The following GNAI1 variants were observed in gnomAD, a reference collection of about 807,000 sequenced individuals.
GNAI1 encodes guanine nucleotide-binding protein G(i) subunit alpha-1.
Under a neutral mutation model 38.9 loss-of-function variants are expected in GNAI1, and 11 were observed. The observed-to-expected ratio is 0.28, with a 90% CI of 0.18 to 0.47. GNAI1 has a LOEUF of 0.47. Ranked by LOEUF, GNAI1 falls within the 20% of genes least tolerant of loss-of-function variation. The pLI is 0.99. For missense variants in GNAI1, 317 were observed against 436.9 expected, an observed-to-expected ratio of 0.73 and a Z score of 2.45; for synonymous variants, 166 against 145.1, an observed-to-expected ratio of 1.14 and a Z score of -1.04.
intron 1 of GNAI1, among the ~76,000 whole-genome samples, chr7:80,144,133 C>G (rs1017434611): frequency 6.6e-6 from 1 of 151,880 alleles, no homozygotes; most frequent in African/African-American, 2.4e-5. Context: ...AGAGAATGCA[C>G]TTTACATAAT....
At chr7:80,151,595 C>T (rs1787727746) in intron 1 of GNAI1, among the ~76,000 whole-genome samples, 1 of 152,118 alleles carries the variant, frequency 6.6e-6, no homozygotes, top group Admixed American at 6.6e-5. Context: ...TGGGGTGCTC[C>T]CACCCCCAGT....
chr7:80,162,319 A>G (rs765102135), intron 1 of GNAI1, among the ~76,000 whole-genome samples: 3 of 152,162 alleles, frequency 2.0e-5, no homozygotes, highest in Non-Finnish European at 4.4e-5. Flanking sequence ...CCAGACTAAG[A>G]TAATCTGCTC....
At chr7:80,172,644 A>G (rs976437639) in intron 1 of GNAI1, among the ~76,000 whole-genome samples, 1 of 152,158 alleles carries the variant, frequency 6.6e-6, no homozygotes, top group Non-Finnish European at 1.5e-5. Context: ...ATTTAAAGAT[A>G]CTTGCAAAGC....
At chr7:80,136,186 A>C in intron 1 of GNAI1, 3 of 296,760 alleles carry the variant, frequency 1.0e-5, no homozygotes, top group Non-Finnish European at 1.5e-5. Context: ...CAGGGTTTTC[A>C]CTGAGGGAAG....
chr7:80,137,561 C>G (rs944451400), intron 1 of GNAI1, among the ~76,000 whole-genome samples: 1 of 152,008 alleles, frequency 6.6e-6, no homozygotes, highest in Non-Finnish European at 1.5e-5. Context: ...CTCAGGTGAT[C>G]CGCCCGCCTC....
chr7:80,212,087 C>T (rs928108250), intron 6 of GNAI1, among the ~76,000 whole-genome samples: 1 of 152,052 alleles, frequency 6.6e-6, no homozygotes, highest in African/African-American at 2.4e-5. Context: ...ACTAATCCCC[C>T]TGAGTATACC....
chr7:80,145,155 C>T (rs1326323226), intron 1 of GNAI1, among the ~76,000 whole-genome samples: 1 of 152,180 alleles, frequency 6.6e-6, no homozygotes, highest in Non-Finnish European at 1.5e-5. Context: ...CCAAGTAATA[C>T]ACCCCTTAAG....
chr7:80,203,727 TAG>T lies in GNAI1; in HGVS notation c.486_487del (p.Ala163SerfsTer15). On this transcript the variant is annotated frameshift_variant, in exon 5 of 8. Transcript: ENST00000649796. LOFTEE classifies it high-confidence loss of function. ...AGCTATTTGAATGACTTGGACAGAA[TAG>T]CTCAACCAAATTACATCCCGACTCA... is the stretch of plus-strand genomic sequence containing the variant. The T allele has an allele frequency of 6.3e-7, 1 of 1,594,456 alleles. No homozygotes were observed. The highest frequency in any genetic ancestry group is 1.1e-5 in the South Asian group (1 of 89,500).
chr7:80,136,187 C>G, intron 1 of GNAI1: 1 of 284,572 alleles, frequency 3.5e-6, no homozygotes, highest in Non-Finnish European at 5.3e-6. Flanking sequence ...AGGGTTTTCA[C>G]TGAGGGAAGC....
At chr7:80,201,821 C>T (rs563102830) in intron 4 of GNAI1, among the ~76,000 whole-genome samples, 125 of 152,170 alleles carry the variant, frequency 8.2e-4, no homozygotes, top group Middle Eastern at 3.4e-3. Context: ...GGCACTAATG[C>T]GGCTGCTTTT....
intron 1 of GNAI1, among the ~76,000 whole-genome samples, chr7:80,175,364 A>ATGTGTG (rs71518972): frequency 1.5e-3 from 221 of 150,472 alleles, no homozygotes; most frequent in East Asian, 5.1e-3. Context: ...GTGTATATTT[A>ATGTGTG]TGTGTGTGTG....
chr7:80,172,018 A>T (rs1388896740), intron 1 of GNAI1, among the ~76,000 whole-genome samples: 1 of 152,208 alleles, frequency 6.6e-6, no homozygotes, highest in Non-Finnish European at 1.5e-5. Context: ...ATGAACTTGT[A>T]CACATTTTAT....
chr7:80,184,799 A>C (rs535125437), intron 1 of GNAI1, among the ~76,000 whole-genome samples: 84 of 152,222 alleles, frequency 5.5e-4, no homozygotes, highest in African/African-American at 2.0e-3. Context: ...TACCTACTAT[A>C]ACATCACAAC....
At chr7:80,165,917 G>A (rs1788003774) in intron 1 of GNAI1, among the ~76,000 whole-genome samples, 1 of 152,050 alleles carries the variant, frequency 6.6e-6, no homozygotes, top group Non-Finnish European at 1.5e-5. Flanking sequence ...ACTTCGTTGA[G>A]AACTAAATAC....
chr7:80,191,374 T>A (rs547125154), intron 3 of GNAI1, among the ~76,000 whole-genome samples: 3 of 152,046 alleles, frequency 2.0e-5, no homozygotes, highest in African/African-American at 7.2e-5. Flanking sequence ...TAAGAAACAT[T>A]TTATTATTAT....
intron 1 of GNAI1, among the ~76,000 whole-genome samples, chr7:80,183,366 G>A (rs894841661): frequency 6.6e-6 from 1 of 152,048 alleles, no homozygotes. Context: ...AAAGAGAAAG[G>A]ATTTTAAATG....
Position 80,148,993 on chromosome 7 carries a change from T to C in GNAI1, c.118+13715T>C, listed in dbSNP as rs540909935. Reference sequence around the variant, plus strand: ...TGCAGTATCAGTGTAGAAAAAAATATAGGAATTGCTTTCTTTTGTTCTAGT... The same window carrying C: ...TGCAGTATCAGTGTAGAAAAAAATACAGGAATTGCTTTCTTTTGTTCTAGT... On this transcript the variant is annotated intron_variant, in intron 1 of 7. Coordinates refer to ENST00000649796, the MANE Select transcript of GNAI1 (RefSeq NM_002069.6). Among the ~76,000 whole-genome samples, 152 of 152,208 alleles carry C rather than the reference T, an allele frequency of 1.0e-3. 3 individuals are homozygous for C. The highest frequency in any genetic ancestry group is 1.4e-3 in the Non-Finnish European group (95 of 67,942).
At chr7:80,182,621 T>G (rs553073262) in intron 1 of GNAI1, among the ~76,000 whole-genome samples, 319 of 152,280 alleles carry the variant, frequency 2.1e-3, no homozygotes, top group Middle Eastern at 3.4e-3. Flanking sequence ...GGAATGATAA[T>G]TAAAAACAAA....
rs550697130 is a variant in GNAI1 at position 80,148,983 on chromosome 7, GA to G, written c.118+13712del. Among the ~76,000 whole-genome samples the G allele has an allele frequency of 2.5e-3, 380 of 152,038 alleles. 3 individuals carry two copies. Among genetic ancestry groups the G allele is most frequent in the Admixed American group, 5.9e-3 (90 of 15,280 alleles). On this transcript the variant is annotated intron_variant, in intron 1 of 7. Transcript: ENST00000649796. ...CTTAATTATATGCAGTATCAGTGTAGAAAAAAATATAGGAATTGCTTTCTTT... is the reference window on the plus strand; with the variant it reads ...CTTAATTATATGCAGTATCAGTGTAGAAAAAATATAGGAATTGCTTTCTTT...
Sources: allele counts gnomAD v4.1 joint callset (sites outside exome capture counted in the v4.1 genomes callset), GRCh38; gene constraint gnomAD v4.1.1; transcripts MANE v1.5; gene names NCBI Gene and HGNC (gene_info 2026-07-23, HGNC 2026-07-21).